CDK17: variants seen among roughly 807,000 people sequenced by gnomAD.
CDK17 encodes the protein cyclin dependent kinase 17.
A neutral mutation model predicts 77.6 loss-of-function variants in CDK17; 24 were observed. That is an observed-to-expected ratio of 0.31 (90% CI 0.22 to 0.44). The LOEUF (loss-of-function observed/expected upper bound fraction) is 0.44, where lower values mean the gene tolerates loss of function less well. Among genes scored for constraint, CDK17 ranks in the 20% least tolerant of loss-of-function variants. The probability of loss-of-function intolerance (pLI) is 1.00; values close to 1 mark genes in which losing one functional copy is unlikely to be tolerated. For synonymous variants in CDK17, 203 were observed against 210.4 expected (o/e 0.96, Z 0.30); for missense variants, 429 against 622.5 (o/e 0.69, Z 3.31).
At chr12:96,380,299 TTGA>T (rs1953859458) in intron 1 of CDK17, among the ~76,000 whole-genome samples, 1 of 149,180 alleles carries the variant, frequency 6.7e-6, no homozygotes, top group Non-Finnish European at 1.5e-5. Flanking sequence ...TTTTTTTTTT[TTGA>T]GACAAAGTCT....
intron 3 of CDK17, among the ~76,000 whole-genome samples, chr12:96,322,014 G>C (rs1952824828): frequency 6.6e-6 from 1 of 151,938 alleles, no homozygotes; most frequent in Admixed American, 6.6e-5. Flanking sequence ...CAAGGAATTG[G>C]ACGACAAAGA....
rs543007481 is a variant in CDK17 at position 96,312,122 on chromosome 12, C to A, written c.418-945G>T. Among the ~76,000 whole-genome samples the A allele has an allele frequency of 8.4e-4, 127 of 151,782 alleles. 2 individuals are homozygous for A. In the South Asian group the frequency reaches 0.026, roughly 31 times the overall value. On this transcript the variant is annotated intron_variant, in intron 4 of 16. Coordinates refer to ENST00000261211, the MANE Select transcript of CDK17 (RefSeq NM_002595.5). The stretch of plus-strand genomic sequence containing the variant: ...TGAAACCCTGTCTCTACAAAAAATA[C>A]AAAAAAATTAGCCGGGCATGGTGGT...
chr12:96,391,283 T>C (rs1954063130), intron 1 of CDK17, among the ~76,000 whole-genome samples: 1 of 134,810 alleles, frequency 7.4e-6, no homozygotes, highest in African/African-American at 2.8e-5. Flanking sequence ...GTTTTGTTTT[T>C]GATTTTTTTT....
At chr12:96,377,838 C>T (rs1470747306) in intron 1 of CDK17, among the ~76,000 whole-genome samples, 4 of 151,418 alleles carry the variant, frequency 2.6e-5, no homozygotes, top group East Asian at 3.9e-4. Flanking sequence ...AGACTACAGG[C>T]GCCCGCCACT....
At chr12:96,284,807 G>A (rs995372964) in intron 13 of CDK17, among the ~76,000 whole-genome samples, 9 of 151,936 alleles carry the variant, frequency 5.9e-5, no homozygotes, top group African/African-American at 1.5e-4. Context: ...CAGGTGATCC[G>A]CCTGCCTTGG....
intron 1 of CDK17, among the ~76,000 whole-genome samples, chr12:96,352,132 G>C (rs1230114505): frequency 6.6e-6 from 1 of 152,160 alleles, no homozygotes; most frequent in African/African-American, 2.4e-5. Context: ...ACGGGGGCAA[G>C]ATAGATTAAA....
At chr12:96,289,523 T>C (rs1435995149) in intron 10 of CDK17, among the ~76,000 whole-genome samples, 1 of 152,250 alleles carries the variant, frequency 6.6e-6, no homozygotes, top group Non-Finnish European at 1.5e-5. Context: ...CTTACTTTTA[T>C]GTTTGAATAC....
Position 96,341,932 on chromosome 12 carries a change from TA to T in CDK17, c.-29-7068del, listed in dbSNP as rs371197473. Among the ~76,000 whole-genome samples the T allele has an allele frequency of 2.8e-4, 42 of 152,354 alleles. No individual in the cohort carries two copies. The South Asian group carries it at 8.3e-3, about 30-fold the overall frequency. On this transcript the variant is annotated intron_variant, in intron 1 of 16. Transcript: ENST00000261211. ...ACTGTTTATGTTTTTGAAATATTCT[TA>T]AAACAATTTTTTGTTAATAATTGCA...
chr12:96,385,731 C>T (rs1034887762), intron 1 of CDK17, among the ~76,000 whole-genome samples: 4 of 152,012 alleles, frequency 2.6e-5, no homozygotes, highest in Admixed American at 1.3e-4. Context: ...TGTTAGAGAA[C>T]GTACATTGTA....
Position 96,298,692 on chromosome 12 carries a change from A to T in CDK17, c.715+177T>A, listed in dbSNP as rs111750990. Among the ~76,000 whole-genome samples the T allele has an allele frequency of 1.1e-4, 17 of 152,312 alleles. No homozygotes were observed. The East Asian group carries it at 3.1e-3, about 28-fold the overall frequency. ...TTTAATGAATTCAGATTTCATTATA[A>T]GTTATACACTAATATAATTAATCCC... On this transcript the variant is annotated intron_variant, in intron 7 of 16. Coordinates refer to ENST00000261211, the MANE Select transcript of CDK17 (RefSeq NM_002595.5).
chr12:96,383,613 T>C (rs1191679909), intron 1 of CDK17, among the ~76,000 whole-genome samples: 17 of 151,966 alleles, frequency 1.1e-4, no homozygotes, highest in Admixed American at 1.1e-3. Context: ...AGAAATAAAG[T>C]TGCACAACCA....
At position 96,309,531 on chromosome 12, in the gene CDK17, T is replaced by C. The variant is rs78110013; in HGVS notation, c.543+1521A>G. Among the ~76,000 whole-genome samples the C allele has an allele frequency of 3.7e-3, 569 of 152,304 alleles. 6 individuals are homozygous for C. The highest frequency in any genetic ancestry group is 6.5e-3 in the Non-Finnish European group (445 of 68,016). On this transcript the variant is annotated intron_variant, in intron 5 of 16. Transcript: ENST00000261211. ...TATCCTTTGAATAAATGGTGCTGGG[T>C]TAATTACTAAATATTAAGAAAATAT...
chr12:96,365,381 A>C (rs1953568496), intron 1 of CDK17, among the ~76,000 whole-genome samples: 1 of 152,208 alleles, frequency 6.6e-6, no homozygotes, highest in South Asian at 2.1e-4. Flanking sequence ...TATAAAGGAG[A>C]AAACAAAAGC....
At chr12:96,290,285 C>T (rs1284249328) in intron 10 of CDK17, among the ~76,000 whole-genome samples, 1 of 152,160 alleles carries the variant, frequency 6.6e-6, no homozygotes, top group Non-Finnish European at 1.5e-5. Context: ...ACCTCGAAGC[C>T]TCTAAATTAT....
At chr12:96,325,616 C>T (rs1305745232) in intron 2 of CDK17, among the ~76,000 whole-genome samples, 1 of 152,252 alleles carries the variant, frequency 6.6e-6, no homozygotes, top group African/African-American at 2.4e-5. Context: ...ACCCAAGGTC[C>T]AAGCTATCTA....
In CDK17 at chr12:96,278,564, T is replaced by C. The variant is rs1039439018; in HGVS notation, c.*1678A>G. 6.6e-6 allele frequency: 1 copy of C among 152,556 alleles called. No individual in the cohort carries two copies. The highest frequency in any genetic ancestry group is 1.5e-5 in the Non-Finnish European group (1 of 68,000). 9.5% of individuals were successfully genotyped at this position (152,556 alleles called of 1,614,324 possible). On this transcript the variant is annotated 3_prime_UTR_variant, in exon 17 of 17. Coordinates refer to ENST00000261211, the MANE Select transcript of CDK17 (RefSeq NM_002595.5). ...TCAATAAAACCACATTTTAACAACA[T>C]GGAGATTTTGTTATTATAAATTTCA...
intron 1 of CDK17, among the ~76,000 whole-genome samples, chr12:96,378,257 T>C (rs1583793): frequency 0.39 from 58,785 of 152,056 alleles, 11,767 homozygotes; most frequent in East Asian, 0.57. Context: ...TTTACTTCTA[T>C]CAGCATGAAC....
At chr12:96,285,846 G>T (rs1470430966) in intron 13 of CDK17, 197 bp downstream of exon 13, 2 of 322,902 alleles carry the variant, frequency 6.2e-6, no homozygotes, top group African/African-American at 2.2e-5. Context: ...ATTAATCAAT[G>T]TCTTCTTTCT....
intron 1 of CDK17, among the ~76,000 whole-genome samples, chr12:96,384,437 T>A (rs75404729): frequency 0.026 from 4,013 of 152,218 alleles, 179 homozygotes; most frequent in African/African-American, 0.092. Context: ...AATCATTTTA[T>A]CAAAAAGACT....
Sources: gnomAD v4.1 joint callset for allele counts (sites outside exome capture counted in the v4.1 genomes callset) on GRCh38, gnomAD v4.1.1 for gene constraint, MANE v1.5 for transcripts, NCBI Gene and HGNC (gene_info 2026-07-23, HGNC 2026-07-21) for gene names.